The following AOX1 variants were observed in gnomAD, a reference collection of about 807,000 sequenced individuals.
AOX1 encodes aldehyde oxidase 1.
A neutral mutation model predicts 169.5 loss-of-function variants in AOX1; 153 were observed. That is an observed-to-expected ratio of 0.90 (90% CI 0.79 to 1.03). The LOEUF is 1.03. Ranked by LOEUF, AOX1 falls within the 50% of genes least tolerant of loss-of-function variation. The pLI is 0.00. For synonymous variants in AOX1, 562 were observed against 581.9 expected (o/e 0.97, Z 0.49); for missense variants, 1,656 against 1,663.9 (o/e 1.00, Z 0.08).
Position 200,636,995 on chromosome 2 carries a change from G to A in AOX1, c.2431G>A (p.Val811Met). ...RRVGGAFGGK[V>M]LKTGIIAAVT... is the part of the protein sequence containing the mutation. ...TGTTGGTGGAGCGTTTGGAGGGAAGGTGTTAAAAACCGGAATCATTGCAGC... is the reference window on the plus strand; with the variant it reads ...TGTTGGTGGAGCGTTTGGAGGGAAGATGTTAAAAACCGGAATCATTGCAGC... Residue 811 changes from valine to methionine, a missense_variant, in exon 22 of 35, where the codon GTG becomes ATG. Transcript: ENST00000374700. The A allele has an allele frequency of 6.2e-7, 1 of 1,614,110 alleles. No individual in the cohort carries two copies. The highest frequency in any genetic ancestry group is 8.5e-7 in the Non-Finnish European group (1 of 1,180,002).
intron 13 of AOX1, among the ~76,000 whole-genome samples, chr2:200,612,103 A>C (rs2034652858): frequency 1.3e-5 from 2 of 152,182 alleles, no homozygotes; most frequent in Admixed American, 1.3e-4. Context: ...TAAATATGAC[A>C]TGAAGAGTAT....
chr2:200,595,186 C>A, intron 2 of AOX1, 86 bp from the exon 3 acceptor site: 1 of 878,334 alleles, frequency 1.1e-6, no homozygotes, highest in East Asian at 2.6e-5. Context: ...ATTTAAGAGT[C>A]TGTGATATTA....
chr2:200,586,836 C>A (rs972505344), intron 1 of AOX1, among the ~76,000 whole-genome samples: 1 of 152,206 alleles, frequency 6.6e-6, no homozygotes, highest in Non-Finnish European at 1.5e-5. Context: ...CAGTTCCAGG[C>A]AGTGTCCGAT....
chr2:200,676,871 C>T, intron 4 of AOX1: 1 of 469,602 alleles, frequency 2.1e-6, no homozygotes, highest in South Asian at 1.6e-5. Context: ...TATTCATCCT[C>T]TTCCAGGGAG....
At chr2:200,680,895 T>A (rs1238446006), downstream of AOX1, among the ~76,000 whole-genome samples, 3 of 151,986 alleles carry the variant, frequency 2.0e-5, no homozygotes, top group Non-Finnish European at 1.5e-5. Flanking sequence ...TGAAGATACA[T>A]TAGTAAAAAT....
chr2:200,602,305 G>T lies in AOX1; in HGVS notation c.458G>T (p.Gly153Val). 6.2e-7 allele frequency: 1 copy of T among 1,613,910 alleles called. No individual in the cohort carries two copies. Among genetic ancestry groups the T allele is most frequent in the Non-Finnish European group, 8.5e-7 (1 of 1,179,966 alleles). The change falls in exon 6 of 35, where the codon GGA (glycine) becomes GTA (valine). Residue 153 changes from glycine to valine, a missense_variant. Gly to Val is a moderately radical substitution (Grantham distance 109). Coordinates refer to ENST00000374700, the MANE Select transcript of AOX1 (RefSeq NM_001159.4). ...ALGGNLCRCT[G>V]YRPIIDACKT... Reference sequence around the variant, plus strand: ...TCAGGTAACCTGTGCCGTTGCACTGGATACAGGCCCATAATTGATGCATGC... The same window carrying T: ...TCAGGTAACCTGTGCCGTTGCACTGTATACAGGCCCATAATTGATGCATGC...
intron 33 of AOX1, 114 bp from the exon 34 acceptor site, chr2:200,669,461 A>AAAAC (rs2035985990): frequency 8.1e-7 from 1 of 1,229,276 alleles, no homozygotes; most frequent in Non-Finnish European, 1.1e-6. Context: ...AAAAAAAAAA[A>AAAAC]AATGTACATA....
chr2:200,602,290 T>G lies in AOX1; in HGVS notation c.443T>G (p.Leu148Arg). ...CTGGGTTTTTCTCCTTCAGGTAACC[T>G]GTGCCGTTGCACTGGATACAGGCCC... ...DQLTDALGGN[L>R]CRCTGYRPII... is the part of the protein sequence containing the mutation. The change falls in exon 6 of 35, where the codon CTG becomes CGG. Residue 148 changes from leucine to arginine, a missense_variant. Coordinates refer to ENST00000374700, the MANE Select transcript of AOX1 (RefSeq NM_001159.4). 6.2e-7 allele frequency: 1 copy of G among 1,613,796 alleles called. No homozygotes were observed.
In AOX1 at chr2:200,609,361, A is replaced by T; in HGVS notation, c.1100A>T (p.Asp367Val). ...ATCATTAGCAGGCATCCAGATTCAG[A>T]TCTGAATCCCATCCTGGCTGTGGGT... ...GHIISRHPDS[D>V]LNPILAVGNC... Residue 367 changes from aspartate to valine, a missense_variant, in exon 12 of 35, where the codon GAT becomes GTT. Asp to Val is a radical substitution (Grantham distance 152). Coordinates refer to ENST00000374700, the MANE Select transcript of AOX1 (RefSeq NM_001159.4). 6.2e-7 allele frequency: 1 copy of T among 1,614,084 alleles called. No homozygotes were observed. The highest frequency in any genetic ancestry group is 8.5e-7 in the Non-Finnish European group (1 of 1,179,974).
At position 200,613,799 on chromosome 2, in the gene AOX1, T is replaced by G; in HGVS notation, c.1449-5T>G. On this transcript the variant is annotated splice_polypyrimidine_tract_variant and splice_region_variant and intron_variant, in intron 14 of 34. Transcript: ENST00000374700. ...GGCTAGGAGTCTTCTCTTTGGACTT[T>G]CCAGGCACTGGAACGAACAGATGCT... is the stretch of plus-strand genomic sequence containing the variant. The G allele has an allele frequency of 4.3e-6, 7 of 1,610,674 alleles. No homozygotes were observed. Among genetic ancestry groups the G allele is most frequent in the Non-Finnish European group, 5.9e-6 (7 of 1,178,934 alleles).
At chr2:200,648,950 A>G (rs2035522282) in intron 25 of AOX1, among the ~76,000 whole-genome samples, 1 of 152,080 alleles carries the variant, frequency 6.6e-6, no homozygotes, top group Non-Finnish European at 1.5e-5. Flanking sequence ...ACCCCCCAAC[A>G]GCCCTGAGTT....
At chr2:200,614,471 T>C (rs1018171604) in intron 15 of AOX1, among the ~76,000 whole-genome samples, 3 of 152,190 alleles carry the variant, frequency 2.0e-5, no homozygotes, top group African/African-American at 7.2e-5. Context: ...AGGAAATCTG[T>C]AGTAGTAGTC....
rs186023776 is a variant in AOX1 at position 200,620,550 on chromosome 2, C to T, written c.1705-100C>T. ...TATGCAAAAGTATTCTGGTTTGAGT[C>T]TAAATTATATAGCTACCTTCTTATG... On this transcript the variant is annotated intron_variant, in intron 16 of 34. Coordinates refer to ENST00000374700, the MANE Select transcript of AOX1 (RefSeq NM_001159.4). 7.1e-4 allele frequency: 821 copies of T among 1,151,792 alleles called. 6 individuals are homozygous for T. The highest frequency in any genetic ancestry group is 5.2e-3 in the Middle Eastern group (21 of 4,020). 71.3% of individuals were successfully genotyped at this position (1,151,792 alleles called of 1,614,324 possible).
At chr2:200,661,306 G>A (rs2035816367) in intron 29 of AOX1, among the ~76,000 whole-genome samples, 1 of 152,170 alleles carries the variant, frequency 6.6e-6, no homozygotes, top group Non-Finnish European at 1.5e-5. Context: ...ATGACTGAGT[G>A]AATTTCTTCC....
intron 3 of AOX1, among the ~76,000 whole-genome samples, 177 bp downstream of exon 3, chr2:200,595,545 A>G (rs2034265489): frequency 6.6e-6 from 1 of 152,220 alleles, no homozygotes; most frequent in South Asian, 2.1e-4. Context: ...TGGGAAAAAA[A>G]TGTAGCATCA....
intron 25 of AOX1, among the ~76,000 whole-genome samples, chr2:200,649,843 G>A (rs2035544408): frequency 6.6e-6 from 1 of 152,218 alleles, no homozygotes; most frequent in South Asian, 2.1e-4. Context: ...GTTTCTCCCT[G>A]TGTGACTTCT....
chr2:200,605,474 T>C (rs1054383322), intron 9 of AOX1, 62 bp from the exon 10 acceptor site: 6 of 739,300 alleles, frequency 8.1e-6, no homozygotes, highest in Non-Finnish European at 1.3e-5. Context: ...ATTTCAAATT[T>C]AAAAGGCAGT....
chr2:200,678,679 A>G (rs1351160721), downstream of AOX1: 3 of 152,052 alleles, frequency 2.0e-5, no homozygotes, highest in Non-Finnish European at 4.4e-5. Flanking sequence ...TGTTTTTTCT[A>G]AGAAAATATC....
In AOX1 at chr2:200,669,592, G is replaced by T. The variant is rs1253636023; in HGVS notation, c.3816G>T (p.Gly1272=). The T allele has an allele frequency of 3.1e-6, 5 of 1,613,964 alleles. No individual in the cohort carries two copies. Among genetic ancestry groups the T allele is most frequent in the African/African-American group, 2.7e-5 (2 of 74,970 alleles). ...CTTTCAAGGGTCTGGGAGAGTCGGG[G>T]GTGTTCCTGGGGTGTTCCGTGTTTT... The part of the protein sequence containing the change: ...LYSSKGLGES[G]VFLGCSVFFA... The change falls in exon 34 of 35, where the codon GGG becomes GGT. Residue 1272 remains glycine, a synonymous_variant. Coordinates refer to ENST00000374700, the MANE Select transcript of AOX1 (RefSeq NM_001159.4).
Sources: allele counts gnomAD v4.1 joint callset (sites outside exome capture counted in the v4.1 genomes callset), GRCh38; gene constraint gnomAD v4.1.1; transcripts MANE v1.5; gene names NCBI Gene and HGNC (gene_info 2026-07-23, HGNC 2026-07-21).